TCF4: variants seen among roughly 807,000 people sequenced by gnomAD.
TCF4 encodes transcription factor 4, also known as SL3-3 enhancer factor 2.
Under a neutral mutation model 82.1 loss-of-function variants are expected in TCF4, and 3 were observed. The observed-to-expected ratio is 0.04, with a 90% CI of 0.02 to 0.09. The LOEUF is 0.09. Ranked by LOEUF, TCF4 falls within the 10% of genes least tolerant of loss-of-function variation. TCF4 has a pLI of 1.00. For synonymous variants in TCF4, 276 were observed against 309.6 expected, an observed-to-expected ratio of 0.89 and a Z score of 1.14; for missense variants, 518 against 852.7, an observed-to-expected ratio of 0.61 and a Z score of 4.89.
At position 55,278,819 on chromosome 18, in the gene TCF4, T is replaced by G. The variant is rs987918291; in HGVS notation, c.655+732A>C. Among the ~76,000 whole-genome samples the G allele has an allele frequency of 1.2e-3, 24 of 20,284 alleles. No individual in the cohort carries two copies. In the African/African-American group the frequency reaches 0.014, roughly 12 times the overall value. 13.3% of individuals were successfully genotyped at this position (20,284 alleles called of 152,430 possible). On this transcript the variant is annotated intron_variant, in intron 9 of 19. Coordinates refer to ENST00000354452, the MANE Select transcript of TCF4 (RefSeq NM_001083962.2). ...TCCTGACCTTGTGATTTGCCTGCCT[T>G]GGCCTCCCAAGTGTTGGGATTACAG... is the stretch of plus-strand genomic sequence containing the variant.
intron 17 of TCF4, chr18:55,231,525 A>G (rs1371859591): frequency 2.6e-5 from 4 of 152,246 alleles, no homozygotes; most frequent in Non-Finnish European, 5.9e-5. Context: ...ATTAACATGC[A>G]TAAGTTTGGC....
chr18:55,237,017 C>T (rs1783403862), intron 15 of TCF4, among the ~76,000 whole-genome samples: 2 of 152,212 alleles, frequency 1.3e-5, no homozygotes, highest in South Asian at 4.1e-4. Flanking sequence ...TATTCAGTTA[C>T]TGCTCCTGAA....
Position 55,366,040 on chromosome 18 carries a change from T to C in TCF4, c.370-15037A>G, listed in dbSNP as rs932969315. 2.0e-5 allele frequency among the ~76,000 whole-genome samples: 3 copies of C among 151,022 alleles called. No homozygotes were observed. In the East Asian group the frequency reaches 5.8e-4, roughly 29 times the overall value. ...TATAGATATAGATATATAAGACATA[T>C]ATAGACCATGTGGATAGGCCTTCTT... On this transcript the variant is annotated intron_variant, in intron 6 of 19. Transcript: ENST00000354452.
chr18:55,486,833 T>A (rs2096523132), intron 3 of TCF4, among the ~76,000 whole-genome samples: 1 of 152,124 alleles, frequency 6.6e-6, no homozygotes, highest in South Asian at 2.1e-4. Context: ...ATAGAAATGC[T>A]TCAAAACATT....
chr18:55,270,311 T>C (rs535824245), intron 10 of TCF4, among the ~76,000 whole-genome samples: 5 of 152,248 alleles, frequency 3.3e-5, no homozygotes, highest in Non-Finnish European at 7.4e-5. Context: ...GTGTGGCCTA[T>C]TGATCAAGTG....
At position 55,631,386 on chromosome 18, in the gene TCF4, T is replaced by C. The variant is rs771634061; in HGVS notation, c.198A>G (p.Gln66=). 1.9e-6 allele frequency: 3 copies of C among 1,547,376 alleles called. No homozygotes were observed. The South Asian group carries it at 3.6e-5, about 18-fold the overall frequency. The change falls in exon 2 of 21, where the codon CAA becomes CAG. Residue 66 remains glutamine, a splice_region_variant and synonymous_variant. Transcript: ENST00000398339. ...TCTTAGATTGGTGTTTACAAAACAT[T>C]TGCTGCAGGGTGGAGAAAAGATGGT...
At chr18:55,385,897 G>T (rs1603430992) in intron 6 of TCF4, among the ~76,000 whole-genome samples, 1 of 152,310 alleles carries the variant, frequency 6.6e-6, no homozygotes, top group Non-Finnish European at 1.5e-5. Context: ...CATCGCTACT[G>T]GGTGCCAAAG....
intron 3 of TCF4, among the ~76,000 whole-genome samples, chr18:55,532,964 A>G (rs933259379): frequency 3.3e-5 from 5 of 152,176 alleles, no homozygotes; most frequent in African/African-American, 1.2e-4. Context: ...AAAACATGGA[A>G]AAAAACAAAA....
At chr18:55,441,345 TA>T (rs1445846997) in intron 5 of TCF4, among the ~76,000 whole-genome samples, 1 of 152,256 alleles carries the variant, frequency 6.6e-6, no homozygotes, top group Admixed American at 6.5e-5. Flanking sequence ...GGGTTTTATG[TA>T]AGTTTCCATT....
chr18:55,238,140 A>G (rs1307301816), intron 15 of TCF4, among the ~76,000 whole-genome samples: 1 of 152,252 alleles, frequency 6.6e-6, no homozygotes, highest in African/African-American at 2.4e-5. Context: ...AATTCTAAGC[A>G]TGACATTTCG....
chr18:55,612,458 A>G (rs1240052474), intron 2 of TCF4, among the ~76,000 whole-genome samples: 1 of 152,158 alleles, frequency 6.6e-6, no homozygotes, highest in Non-Finnish European at 1.5e-5. Context: ...CCTCAGTTTT[A>G]TCATAGATTA....
chr18:55,279,858 C>A (rs976699343), intron 8 of TCF4, among the ~76,000 whole-genome samples: 1 of 152,110 alleles, frequency 6.6e-6, no homozygotes, highest in South Asian at 2.1e-4. Context: ...TGTATTTGTG[C>A]GAACAGAAAA....
intron 2 of TCF4, among the ~76,000 whole-genome samples, chr18:55,610,320 C>A (rs182850836): frequency 5.1e-4 from 78 of 152,316 alleles, no homozygotes; most frequent in African/African-American, 1.5e-3. Context: ...TTTCCCTATG[C>A]CTTACTCCTG....
At chr18:55,461,970 C>A (rs943193944) in intron 4 of TCF4, among the ~76,000 whole-genome samples, 1 of 151,848 alleles carries the variant, frequency 6.6e-6, no homozygotes, top group Non-Finnish European at 1.5e-5. Flanking sequence ...CATAAAGTGA[C>A]CAAAAAGGGG....
At chr18:55,291,199 T>C (rs1343957148) in intron 8 of TCF4, among the ~76,000 whole-genome samples, 2 of 152,156 alleles carry the variant, frequency 1.3e-5, no homozygotes, top group East Asian at 1.9e-4. Flanking sequence ...GTCTTTTCAT[T>C]TGAAATCCTC....
chr18:55,559,289 T>C (rs565690501), intron 3 of TCF4, among the ~76,000 whole-genome samples: 4 of 152,108 alleles, frequency 2.6e-5, no homozygotes, highest in African/African-American at 7.2e-5. Context: ...GCTTGATCTA[T>C]GATATAATGG....
At chr18:55,278,790 G>A (rs550817632) in intron 9 of TCF4, among the ~76,000 whole-genome samples, 29 of 143,634 alleles carry the variant, frequency 2.0e-4, no homozygotes, top group Non-Finnish European at 3.9e-4. Context: ...GGATGGTCTT[G>A]ATATCCTGAC....
chr18:55,360,750 G>C, intron 6 of TCF4, among the ~76,000 whole-genome samples: 1 of 89,494 alleles, frequency 1.1e-5, no homozygotes, highest in Non-Finnish European at 2.0e-5. Context: ...TTTTTTTTGA[G>C]AGAAGTCTCA....
At chr18:55,232,251 C>T (rs2048127705) in intron 17 of TCF4, 1 of 450,332 alleles carries the variant, frequency 2.2e-6, no homozygotes. Flanking sequence ...ATAAACTGTA[C>T]TTGAATCAGA....
Sources: allele counts gnomAD v4.1 joint callset (sites outside exome capture counted in the v4.1 genomes callset), GRCh38; gene constraint gnomAD v4.1.1; transcripts MANE v1.5; gene names NCBI Gene and HGNC (gene_info 2026-07-23, HGNC 2026-07-21).